The following EFCAB11 variants were observed in gnomAD, a reference collection of about 807,000 sequenced individuals.
The protein encoded by EFCAB11 is EF-hand calcium binding domain 11, also known as EF-hand calcium-binding domain-containing protein 11.
Under a neutral mutation model 23.0 loss-of-function variants are expected in EFCAB11, and 14 were observed. The observed-to-expected ratio is 0.61, with a 90% CI of 0.40 to 0.95. EFCAB11 has a LOEUF of 0.95. Among genes scored for constraint, EFCAB11 ranks in the 40% least tolerant of loss-of-function variants. The pLI is 0.00. For missense variants in EFCAB11, 198 were observed against 195.8 expected (o/e 1.01, Z -0.07); for synonymous variants, 65 against 66.6 (o/e 0.98, Z 0.11).
intron 5 of EFCAB11, among the ~76,000 whole-genome samples, chr14:89,882,833 G>A (rs1238529945): frequency 6.6e-6 from 1 of 152,184 alleles, no homozygotes; most frequent in Admixed American, 6.5e-5. Flanking sequence ...TTGATTCCCA[G>A]TGTTAAAAGT....
intron 5 of EFCAB11, among the ~76,000 whole-genome samples, chr14:89,909,858 C>T (rs1889615786): frequency 6.6e-6 from 1 of 152,208 alleles, no homozygotes; most frequent in Non-Finnish European, 1.5e-5. Flanking sequence ...TATGCCCTCC[C>T]TCCTTCCCTG....
intron 5 of EFCAB11, among the ~76,000 whole-genome samples, chr14:89,811,835 C>T (rs949898425): frequency 1.3e-5 from 2 of 152,054 alleles, no homozygotes; most frequent in Non-Finnish European, 2.9e-5. Context: ...GCCACCAAGT[C>T]GGTGGCAACT....
intron 5 of EFCAB11, among the ~76,000 whole-genome samples, chr14:89,860,177 A>G (rs1183720303): frequency 1.3e-5 from 2 of 152,170 alleles, no homozygotes; most frequent in Non-Finnish European, 2.9e-5. Context: ...CAGCCTGGCC[A>G]ACATGGTAAA....
At chr14:89,940,558 C>A (rs1301341700) in intron 3 of EFCAB11, among the ~76,000 whole-genome samples, 1 of 152,134 alleles carries the variant, frequency 6.6e-6, no homozygotes, top group Non-Finnish European at 1.5e-5. Flanking sequence ...GTCACACAGT[C>A]CATAATTACT....
chr14:89,910,091 T>A (rs940161166), intron 5 of EFCAB11, among the ~76,000 whole-genome samples: 1 of 152,248 alleles, frequency 6.6e-6, no homozygotes. Context: ...TCTATCTTGT[T>A]CATTTTCATA....
intron 5 of EFCAB11, among the ~76,000 whole-genome samples, chr14:89,854,951 T>C (rs544010017): frequency 1.3e-5 from 2 of 152,302 alleles, no homozygotes; most frequent in East Asian, 1.9e-4. Context: ...GGGGGTTTGA[T>C]ACACAATCTC....
intron 5 of EFCAB11, among the ~76,000 whole-genome samples, chr14:89,918,995 C>G (rs551036865): frequency 1.3e-5 from 2 of 150,860 alleles, no homozygotes; most frequent in South Asian, 2.1e-4. Flanking sequence ...GACACAGGAC[C>G]AGGGTGGGGG....
At chr14:89,844,124 A>C (rs1302781048) in intron 5 of EFCAB11, among the ~76,000 whole-genome samples, 1 of 152,222 alleles carries the variant, frequency 6.6e-6, no homozygotes, top group Non-Finnish European at 1.5e-5. Flanking sequence ...ATTTCAACTT[A>C]AACAATCATG....
At chr14:89,886,249 G>A (rs1290793059) in intron 5 of EFCAB11, among the ~76,000 whole-genome samples, 1 of 151,998 alleles carries the variant, frequency 6.6e-6, no homozygotes, top group Non-Finnish European at 1.5e-5. Flanking sequence ...CAGGCGTGGT[G>A]GCTCATGCCT....
intron 5 of EFCAB11, among the ~76,000 whole-genome samples, chr14:89,916,976 T>A (rs10142587): frequency 0.12 from 18,807 of 152,042 alleles, 3,220 homozygotes; most frequent in African/African-American, 0.39. Flanking sequence ...GTATACAAGA[T>A]GACGTTTTTA....
chr14:89,887,724 G>A (rs956338681), intron 5 of EFCAB11, among the ~76,000 whole-genome samples: 22 of 152,068 alleles, frequency 1.4e-4, no homozygotes, highest in African/African-American at 5.1e-4. Context: ...TATATTCCTG[G>A]GAACAGGTGT....
At chr14:89,890,385 G>A (rs1888926195) in intron 5 of EFCAB11, among the ~76,000 whole-genome samples, 1 of 152,158 alleles carries the variant, frequency 6.6e-6, no homozygotes, top group Non-Finnish European at 1.5e-5. Context: ...ATAAAGTAAA[G>A]CTAAAATGCC....
intron 3 of EFCAB11, among the ~76,000 whole-genome samples, chr14:89,939,475 G>A (rs1890715202): frequency 6.6e-6 from 1 of 152,174 alleles, no homozygotes; most frequent in African/African-American, 2.4e-5. Context: ...ACTCTACACA[G>A]AGAGCACAGC....
At chr14:89,916,067 GCA>G (rs1889830197) in intron 5 of EFCAB11, among the ~76,000 whole-genome samples, 1 of 151,410 alleles carries the variant, frequency 6.6e-6, no homozygotes, top group Admixed American at 6.6e-5. Context: ...TCCGATCTCT[GCA>G]CAGTGAATCA....
At chr14:89,954,432 G>A in intron 1 of EFCAB11, 154 bp downstream of exon 1, 1 of 1,536,970 alleles carries the variant, frequency 6.5e-7, no homozygotes, top group South Asian at 1.2e-5. Context: ...CAGGAGCCCT[G>A]CAGCTCCAGG....
In EFCAB11 at chr14:89,886,811, C is replaced by T. The variant is rs374392805; in HGVS notation, c.410+44730G>A. On this transcript the variant is annotated intron_variant, in intron 5 of 5. Transcript: ENST00000316738. ...GATTTATTGCAGTTTTGGTAATTTA[C>T]AGCAGATACACAATTCTCAGAGACA... Among the ~76,000 whole-genome samples, 72 of 152,242 alleles carry T rather than the reference C, an allele frequency of 4.7e-4. No homozygotes were observed. The South Asian group carries it at 0.014, about 29-fold the overall frequency.
At chr14:89,920,773 G>T (rs887947420) in intron 5 of EFCAB11, among the ~76,000 whole-genome samples, 1 of 152,178 alleles carries the variant, frequency 6.6e-6, no homozygotes, top group Non-Finnish European at 1.5e-5. Flanking sequence ...GATAAAGAAA[G>T]GCTACATAGG....
chr14:89,909,250 A>C (rs1457346153), intron 5 of EFCAB11, among the ~76,000 whole-genome samples: 1 of 152,174 alleles, frequency 6.6e-6, no homozygotes, highest in African/African-American at 2.4e-5. Context: ...ATTTTAATCC[A>C]TTCTCCACAC....
chr14:89,915,673 G>T (rs191262338), intron 5 of EFCAB11, among the ~76,000 whole-genome samples: 7 of 152,146 alleles, frequency 4.6e-5, no homozygotes, highest in East Asian at 1.9e-4. Flanking sequence ...GGTTAGTAAA[G>T]GTCATCAGAG....
Sources: allele counts gnomAD v4.1 joint callset (sites outside exome capture counted in the v4.1 genomes callset), GRCh38; gene constraint gnomAD v4.1.1; transcripts MANE v1.5; gene names NCBI Gene and HGNC (gene_info 2026-07-23, HGNC 2026-07-21).